Variants in MND1 observed in about 807,000 individuals in gnomAD.
The protein encoded by MND1 is meiotic nuclear divisions 1.
In MND1, 28 loss-of-function variants were observed where a neutral mutation model predicts 35.1. The ratio of observed to expected loss-of-function variants is 0.80; its 90% confidence interval spans 0.59 to 1.09. MND1 has a LOEUF of 1.09. MND1 is among the 50% of genes least tolerant of loss of function. The pLI is 0.00. For missense variants in MND1, 213 were observed against 239.6 expected (o/e 0.89, Z 0.73); for synonymous variants, 69 against 70.5 (o/e 0.98, Z 0.11).
intron 6 of MND1, among the ~76,000 whole-genome samples, chr4:153,406,313 G>T (rs1729508346): frequency 6.6e-6 from 1 of 152,182 alleles, no homozygotes; most frequent in Admixed American, 6.5e-5. Flanking sequence ...TGTGAAGCCA[G>T]GAGTTTGAGA....
intron 4 of MND1, among the ~76,000 whole-genome samples, chr4:153,365,101 C>CA (rs5863041): frequency 0.091 from 12,505 of 138,100 alleles, 690 homozygotes; most frequent in Admixed American, 0.18. Flanking sequence ...TTGTTGCCAC[C>CA]AAAAAAAAAA....
intron 4 of MND1, chr4:153,361,591 G>A: frequency 2.2e-6 from 1 of 455,432 alleles, no homozygotes; most frequent in Non-Finnish European, 4.4e-6. Context: ...TGTAATCCCA[G>A]CACTTTGGGA....
chr4:153,360,357 A>G (rs998046208), intron 4 of MND1, among the ~76,000 whole-genome samples: 1 of 151,944 alleles, frequency 6.6e-6, no homozygotes, highest in African/African-American at 2.4e-5. Flanking sequence ...CTTTCCTGGG[A>G]CATTCTTTTG....
intron 6 of MND1, among the ~76,000 whole-genome samples, chr4:153,398,414 C>G (rs1346928610): frequency 1.3e-5 from 2 of 152,184 alleles, no homozygotes; most frequent in African/African-American, 4.8e-5. Flanking sequence ...TTGATTGCAA[C>G]TAAGCTGGCC....
chr4:153,384,443 ATTTTTTTTTTTT>A (rs561004288), intron 4 of MND1, among the ~76,000 whole-genome samples: 7,632 of 63,398 alleles, frequency 0.12, 479 homozygotes, highest in African/African-American at 0.27. Context: ...CTAATGTTTA[ATTTTTTTTTTTT>A]TTTTTTTTTT....
chr4:153,360,341 T>G (rs1773450961), intron 4 of MND1, among the ~76,000 whole-genome samples: 1 of 152,166 alleles, frequency 6.6e-6, no homozygotes, highest in Non-Finnish European at 1.5e-5. Flanking sequence ...ACTGGTCAAT[T>G]TTTTTCTTTC....
intron 6 of MND1, among the ~76,000 whole-genome samples, chr4:153,401,697 A>G (rs1729351548): frequency 6.6e-6 from 1 of 152,152 alleles, no homozygotes; most frequent in African/African-American, 2.4e-5. Flanking sequence ...TAGCATGGCT[A>G]TTGCCCCCCA....
chr4:153,402,579 G>T lies in MND1; in HGVS notation c.466+5246G>T, dbSNP rs149062336. On this transcript the variant is annotated intron_variant, in intron 6 of 7. Coordinates refer to ENST00000240488, the MANE Select transcript of MND1 (RefSeq NM_032117.4). Reference sequence around the variant, plus strand: ...TCTCACCGCAGCAGTGACCTTGAAGGATAACAACCCTGCATTCCTACTGTC... The same window carrying T: ...TCTCACCGCAGCAGTGACCTTGAAGTATAACAACCCTGCATTCCTACTGTC... Among the ~76,000 whole-genome samples, 628 of 152,274 alleles carry T rather than the reference G, an allele frequency of 4.1e-3. 3 individuals carry two copies. The highest frequency in any genetic ancestry group is 0.014 in the African/African-American group (595 of 41,556).
chr4:153,383,150 C>A (rs1442745864), intron 4 of MND1, among the ~76,000 whole-genome samples: 1 of 152,180 alleles, frequency 6.6e-6, no homozygotes, highest in African/African-American at 2.4e-5. Context: ...TTTCCATGGA[C>A]TGCATGTGAC....
At chr4:153,359,552 C>T (rs536760674) in intron 4 of MND1, among the ~76,000 whole-genome samples, 3 of 152,248 alleles carry the variant, frequency 2.0e-5, no homozygotes, top group South Asian at 2.1e-4. Context: ...TACCAAGGAG[C>T]GTGATTGCTG....
intron 6 of MND1, among the ~76,000 whole-genome samples, chr4:153,407,229 C>T (rs1359139672): frequency 2.6e-5 from 4 of 152,064 alleles, no homozygotes; most frequent in South Asian, 2.1e-4. Context: ...TTTGGGAGGC[C>T]GAGGCAGGCG....
intron 1 of MND1, among the ~76,000 whole-genome samples, chr4:153,346,322 T>G (rs1296216625): frequency 1.3e-5 from 2 of 152,218 alleles, no homozygotes; most frequent in Non-Finnish European, 2.9e-5. Flanking sequence ...AGGAATTCCA[T>G]AACTTCTAAC....
chr4:153,397,756 G>C (rs1729238899), intron 6 of MND1, among the ~76,000 whole-genome samples: 1 of 152,110 alleles, frequency 6.6e-6, no homozygotes, highest in Non-Finnish European at 1.5e-5. Flanking sequence ...GGAGGTTGAA[G>C]CTGCAGTGTG....
intron 7 of MND1, among the ~76,000 whole-genome samples, chr4:153,409,301 T>C (rs1729614538): frequency 6.6e-6 from 1 of 151,890 alleles, no homozygotes; most frequent in Admixed American, 6.6e-5. Context: ...GGCTAATCAC[T>C]TAACTTTCAT....
chr4:153,406,900 T>C (rs1350708311), intron 6 of MND1, among the ~76,000 whole-genome samples: 2 of 152,198 alleles, frequency 1.3e-5, no homozygotes, highest in Non-Finnish European at 2.9e-5. Flanking sequence ...ACAATCATGG[T>C]GGAAGGTGAA....
rs551973047 is a variant in MND1, at chr4:153,401,200, C to T, written c.466+3867C>T. 9.2e-5 allele frequency among the ~76,000 whole-genome samples: 14 copies of T among 152,104 alleles called. No homozygotes were observed. The South Asian group carries it at 2.7e-3, about 29-fold the overall frequency. On this transcript the variant is annotated intron_variant, in intron 6 of 7. Transcript: ENST00000240488. ...AGTGGATCACTTGAGCCCAGGAGTT[C>T]GAGACCAGCCTGGACAGCATATGGA...
intron 4 of MND1, chr4:153,381,674 A>ATATATATATG (rs1356465211): frequency 7.6e-5 from 1 of 13,156 alleles, no homozygotes; most frequent in Admixed American, 1.1e-3. Context: ...TATAATATAT[A>ATATATATATG]TATATATATA....
chr4:153,357,207 T>C (rs1489855460), intron 3 of MND1, among the ~76,000 whole-genome samples: 2 of 152,216 alleles, frequency 1.3e-5, no homozygotes, highest in East Asian at 3.8e-4. Context: ...TGAGTATACA[T>C]ACAAGTGAAA....
intron 4 of MND1, among the ~76,000 whole-genome samples, chr4:153,362,289 G>A (rs1315708974): frequency 6.6e-6 from 1 of 152,164 alleles, no homozygotes; most frequent in Non-Finnish European, 1.5e-5. Context: ...AGTGTTGGAG[G>A]TGGGGCCTGA....
Sources: allele counts gnomAD v4.1 joint callset (sites outside exome capture counted in the v4.1 genomes callset), GRCh38; gene constraint gnomAD v4.1.1; transcripts MANE v1.5; gene names NCBI Gene and HGNC (gene_info 2026-07-23, HGNC 2026-07-21).